The following TFPT variants were observed in gnomAD, a reference collection of about 807,000 sequenced individuals.
TFPT encodes the protein INO80 complex subunit F.
A neutral mutation model predicts 28.8 loss-of-function variants in TFPT; 27 were observed. The ratio of observed to expected loss-of-function variants is 0.94; its 90% confidence interval spans 0.69 to 1.29. The LOEUF (loss-of-function observed/expected upper bound fraction) is 1.29, where lower values mean the gene tolerates loss of function less well. Among genes scored for constraint, TFPT ranks in the 50% most tolerant of loss-of-function variants. The pLI is 0.00. For missense variants in TFPT, 330 were observed against 338.0 expected, an observed-to-expected ratio of 0.98 and a Z score of 0.19; for synonymous variants, 152 against 142.8, an observed-to-expected ratio of 1.06 and a Z score of -0.46.
chr19:54,114,749 C>A, intron 1 of TFPT, 49 bp from the exon 2 acceptor site: 1 of 1,567,590 alleles, frequency 6.4e-7, no homozygotes, highest in South Asian at 1.2e-5. Flanking sequence ...GACCCCCAGC[C>A]CCTTCTCCCA....
At chr19:54,109,622 A>G (rs2073384502) in intron 3 of TFPT, among the ~76,000 whole-genome samples, 1 of 152,122 alleles carries the variant, frequency 6.6e-6, no homozygotes, top group South Asian at 2.1e-4. Context: ...AAGCTCCGAC[A>G]ACCCTGCCGC....
At chr19:54,108,427 A>G (rs75622830) in intron 3 of TFPT, 32 bp from the exon 4 acceptor site, 149,374 of 1,613,882 alleles carry the variant, frequency 0.093, 7,388 homozygotes, top group African/African-American at 0.11. Flanking sequence ...CAACGGAATA[A>G]CTTATCTCCT....
In TFPT at chr19:54,113,304, CAGGG is replaced by C. The variant is rs2073507765; in HGVS notation, c.282+1134_282+1137del. Among the ~76,000 whole-genome samples the C allele has an allele frequency of 3.3e-5, 5 of 151,992 alleles. No individual in the cohort carries two copies. The South Asian group carries it at 8.3e-4, about 25-fold the overall frequency. ...GTAAATTGGGACACAGACACACACA[CAGGG>C]AGCAGCAATGTGAAGATGAAGGCGG... On this transcript the variant is annotated intron_variant, in intron 2 of 5. Coordinates refer to ENST00000391759, the MANE Select transcript of TFPT (RefSeq NM_013342.4).
chr19:54,108,620 A>T, intron 3 of TFPT: 2 of 1,514,738 alleles, frequency 1.3e-6, no homozygotes, highest in Non-Finnish European at 8.9e-7. Flanking sequence ...CCTGCTCTGC[A>T]AACGACATGA....
chr19:54,111,298 T>C (rs1437129745), intron 2 of TFPT, among the ~76,000 whole-genome samples: 2 of 151,860 alleles, frequency 1.3e-5, no homozygotes, highest in East Asian at 1.9e-4. Context: ...ATCCCAGCAC[T>C]TTGGGAGGCC....
At position 54,108,213 on chromosome 19, in the gene TFPT, G is replaced by A. The variant is rs769539637; in HGVS notation, c.455C>T (p.Thr152Ile). The A allele has an allele frequency of 6.3e-7, 1 of 1,598,218 alleles. No homozygotes were observed. The highest frequency in any genetic ancestry group is 1.1e-5 in the South Asian group (1 of 89,520). ...AGGCTCATTCTCCGCATTGCCTGGG[G>A]TGGGGGCATCCGTGCCCTGGCTGCC... ...DEGSQGTDAP[T>I]PGNAENEPPE... Residue 152 changes from threonine to isoleucine, a missense_variant, in exon 5 of 6, where the codon ACC (threonine) becomes ATC (isoleucine). Physicochemically the swap from Thr to Ile is moderately conservative, Grantham distance 89. Transcript: ENST00000391759.
chr19:54,114,770 A>T, intron 1 of TFPT, 70 bp from the exon 2 acceptor site: 5 of 1,534,400 alleles, frequency 3.3e-6, no homozygotes, highest in Non-Finnish European at 4.4e-6. Flanking sequence ...CTGAACCAGG[A>T]GCCCAGACCC....
At chr19:54,109,917 C>G in intron 3 of TFPT, 134 bp downstream of exon 3, 2 of 883,148 alleles carry the variant, frequency 2.3e-6, no homozygotes, top group African/African-American at 1.6e-5. Context: ...TTTGCCTCAG[C>G]CCCCGGCCCT....
At position 54,111,654 on chromosome 19, in the gene TFPT, T is replaced by G. The variant is rs1478930771; in HGVS notation, c.283-1533A>C. Among the ~76,000 whole-genome samples, 3 of 137,194 alleles carry G rather than the reference T, an allele frequency of 2.2e-5. No homozygotes were observed. The South Asian group carries it at 7.1e-4, about 32-fold the overall frequency. The allele number at this position is 137,194 out of a possible 152,430, so 90.0% of individuals were successfully genotyped here. On this transcript the variant is annotated intron_variant, in intron 2 of 5. Transcript: ENST00000391759. ...GAGATCACACCACTGCCCTCCAGCC[T>G]GGGTGACAGAGTAAGACTCTGTCTC... is the stretch of plus-strand genomic sequence containing the variant.
rs1568576469 is a variant in TFPT, at chr19:54,115,437, GC to G, written c.-169del. The G allele has an allele frequency of 1.1e-6, 1 of 877,376 alleles. No homozygotes were observed. 54.3% of individuals were successfully genotyped at this position (877,376 alleles called of 1,614,324 possible). On this transcript the variant is annotated 5_prime_UTR_variant, in exon 1 of 6. Coordinates refer to ENST00000391759, the MANE Select transcript of TFPT (RefSeq NM_013342.4). ...GTTTCCTGTTTCCGGCTTCGCTTCG[GC>G]CCACCCCCACGTCCACCCCGAATCC...
chr19:54,113,229 A>G (rs1181001864), intron 2 of TFPT, among the ~76,000 whole-genome samples: 3 of 152,050 alleles, frequency 2.0e-5, no homozygotes, highest in Admixed American at 1.3e-4. Flanking sequence ...GTTCAAATGA[A>G]GCCAGTGGGT....
Position 54,110,119 on chromosome 19 carries a change from C to T in TFPT, c.285G>A (p.Val95=), listed in dbSNP as rs2073411226. 1 of 1,614,044 alleles carries T rather than the reference C, an allele frequency of 6.2e-7. No homozygotes were observed. The change falls in exon 3 of 6, where the codon GTG becomes GTA. Residue 95 remains valine, a splice_region_variant and synonymous_variant. Transcript: ENST00000391759. ...GGAGCCTGTTCAGGACCCGCTCGTTCACCTATGGGGTGGGAAACGCCCATC... is the reference window on the plus strand; with the variant it reads ...GGAGCCTGTTCAGGACCCGCTCGTTTACCTATGGGGTGGGAAACGCCCATC... ...LGRRCREIEQ[V]NERVLNRLHQ... is the part of the protein sequence containing the mutation.
At position 54,108,062 on chromosome 19, in the gene TFPT, T is replaced by C. The variant is rs752817537; in HGVS notation, c.606A>G (p.Ala202=). 1.3e-6 allele frequency: 2 copies of C among 1,539,286 alleles called. No homozygotes were observed. Among genetic ancestry groups the C allele is most frequent in the South Asian group, 1.3e-5 (1 of 79,382 alleles). Residue 202 remains alanine, a synonymous_variant, in exon 5 of 6, where the codon GCA becomes GCG. Transcript: ENST00000391759. The part of the protein sequence containing the change: ...RRRVPRDGRR[A]GNALTPELAP... ...CCAGCTCTGGAGTCAGCGCATTTCCTGCTCGGCGTCCATCCCGTGGCACTC... is the reference window on the plus strand; with the variant it reads ...CCAGCTCTGGAGTCAGCGCATTTCCCGCTCGGCGTCCATCCCGTGGCACTC...
chr19:54,114,633 G>A lies in TFPT; in HGVS notation c.91C>T (p.Leu31=), dbSNP rs746708588. The A allele has an allele frequency of 7.4e-6, 12 of 1,613,898 alleles. No homozygotes were observed. The Admixed American group carries it at 1.8e-4, about 25-fold the overall frequency. ...CTCTCCAGGATGTGGCCACCAAATA[G>A]GGGAGGCAACGCCAACTCTGAGCCT... is the stretch of plus-strand genomic sequence containing the variant. ...PPGSELALPP[L]FGGHILESEL... The change falls in exon 2 of 6, where the codon CTA becomes TTA. Residue 31 remains leucine, a synonymous_variant. Transcript: ENST00000391759.
At chr19:54,108,461 G>A in intron 3 of TFPT, 66 bp from the exon 4 acceptor site, 1 of 1,613,838 alleles carries the variant, frequency 6.2e-7, no homozygotes, top group Middle Eastern at 1.6e-4. Flanking sequence ...AAGGGCCACA[G>A]GATAGAGCTC....
chr19:54,114,786 C>T lies in TFPT; in HGVS notation c.24-86G>A, dbSNP rs111880280. The T allele has an allele frequency of 2.6e-5, 40 of 1,510,052 alleles. No homozygotes were observed. In the African/African-American group the frequency reaches 5.1e-4, roughly 19 times the overall value. 93.5% of individuals were successfully genotyped at this position (1,510,052 alleles called of 1,614,324 possible). ...TGAACCAGGAGCCCAGACCCCAACC[C>T]CTCCTCCCTGAGATCCTAGAATCCA... On this transcript the variant is annotated intron_variant, in intron 1 of 5. Transcript: ENST00000391759.
chr19:54,115,115 G>C lies in TFPT; in HGVS notation c.23+132C>G, dbSNP rs2073585073. 4.2e-5 allele frequency: 58 copies of C among 1,394,266 alleles called. 1 individual carries two copies. The South Asian group carries it at 6.6e-4, about 16-fold the overall frequency. 86.4% of individuals were successfully genotyped at this position (1,394,266 alleles called of 1,614,324 possible). On this transcript the variant is annotated intron_variant, in intron 1 of 5. Transcript: ENST00000391759. ...CAGGATGACCCCAGTCCATAAAAGG[G>C]TTCTAAGGTAAAGCAGTTGCATGAA...
chr19:54,108,762 G>A, intron 3 of TFPT: 1 of 727,800 alleles, frequency 1.4e-6, no homozygotes, highest in Non-Finnish European at 2.2e-6. Flanking sequence ...TGAAGAGAGG[G>A]GAGTACAGAA....
chr19:54,110,041 A>T lies in TFPT; in HGVS notation c.353+10T>A. The T allele has an allele frequency of 6.2e-7, 1 of 1,613,754 alleles. No individual in the cohort carries two copies. Among genetic ancestry groups the T allele is most frequent in the Non-Finnish European group, 8.5e-7 (1 of 1,179,742 alleles). ...GCTCACAGGCCCAGAGGGGACAGAG[A>T]AGGGGTTACCTCCGTTCCTGCTGCA... On this transcript the variant is annotated intron_variant, in intron 3 of 5. Transcript: ENST00000391759.
Sources: allele counts gnomAD v4.1 joint callset (sites outside exome capture counted in the v4.1 genomes callset), GRCh38; gene constraint gnomAD v4.1.1; transcripts MANE v1.5; gene names NCBI Gene and HGNC (gene_info 2026-07-23, HGNC 2026-07-21).